Variants in DNAH8 observed in about 807,000 individuals in gnomAD.
DNAH8 encodes the protein dynein axonemal heavy chain 8, also known as axonemal beta dynein heavy chain 8.
A neutral mutation model predicts 562.1 loss-of-function variants in DNAH8; 382 were observed. The observed-to-expected ratio is 0.68, with a 90% CI of 0.63 to 0.74. The LOEUF (loss-of-function observed/expected upper bound fraction) is 0.74. Among genes scored for constraint, DNAH8 ranks in the 30% least tolerant of loss-of-function variants. DNAH8 has a pLI of 0.00. For missense variants in DNAH8, 5,203 were observed against 5,620.4 expected (o/e 0.93, Z 2.37); for synonymous variants, 1,881 against 1,919.4 (o/e 0.98, Z 0.52).
intron 4 of DNAH8, among the ~76,000 whole-genome samples, chr6:38,730,269 A>G (rs1481353544): frequency 6.6e-6 from 1 of 152,202 alleles, no homozygotes; most frequent in Admixed American, 6.5e-5. Flanking sequence ...TCCCCGAAAC[A>G]GGTGGAGCCA....
intron 63 of DNAH8, among the ~76,000 whole-genome samples, chr6:38,906,982 G>T (rs571653008): frequency 6.6e-6 from 1 of 152,198 alleles, no homozygotes; most frequent in African/African-American, 2.4e-5. Flanking sequence ...TTGATTTGGG[G>T]GTGCTCAACC....
At chr6:38,785,152 A>AAC (rs1769024333) in intron 17 of DNAH8, among the ~76,000 whole-genome samples, 1 of 152,194 alleles carries the variant, frequency 6.6e-6, no homozygotes, top group South Asian at 2.1e-4. Flanking sequence ...TCACAAGTAA[A>AAC]ACAAACAGTC....
At position 38,863,875 on chromosome 6, in the gene DNAH8, C is replaced by T. The variant is rs780860610; in HGVS notation, c.6313C>T (p.Leu2105Phe). ...FRGLGRIFKG[L>F]AQSGSWGCFD... is the part of the protein sequence containing the mutation. ...AAATTAACTGTTTTTCATGCCAGGT[C>T]TTGCACAGTCGGGTTCCTGGGGCTG... is the stretch of plus-strand genomic sequence containing the variant. Residue 2105 changes from leucine to phenylalanine, a missense_variant and splice_region_variant, in exon 45 of 93, where the codon CTT (leucine) becomes TTT (phenylalanine). By Grantham distance (22) the Leu-to-Phe change is conservative. Coordinates refer to ENST00000327475, the MANE Select transcript of DNAH8 (RefSeq NM_001206927.2). 1.8e-5 allele frequency: 28 copies of T among 1,586,788 alleles called. 1 individual carries two copies. The South Asian group carries it at 3.1e-4, about 17-fold the overall frequency.
chr6:38,759,157 A>T (rs1766234828), intron 10 of DNAH8, among the ~76,000 whole-genome samples: 1 of 152,058 alleles, frequency 6.6e-6, no homozygotes, highest in Non-Finnish European at 1.5e-5. Flanking sequence ...AATTTTTTTA[A>T]GTTAGCTGGG....
chr6:38,803,063 A>G, intron 21 of DNAH8, 116 bp from the exon 22 acceptor site: 2 of 719,444 alleles, frequency 2.8e-6, no homozygotes, highest in Non-Finnish European at 4.3e-6. Flanking sequence ...AGCTATCTCT[A>G]GCTTTTTTTT....
At chr6:38,926,312 A>C in intron 74 of DNAH8, 102 bp downstream of exon 74, 3 of 1,273,186 alleles carry the variant, frequency 2.4e-6, no homozygotes, top group Non-Finnish European at 3.3e-6. Context: ...TCCATGACAA[A>C]TGTTTGCTAA....
intron 48 of DNAH8, among the ~76,000 whole-genome samples, chr6:38,869,809 G>A (rs1777327987): frequency 1.3e-5 from 2 of 152,200 alleles, no homozygotes; most frequent in Non-Finnish European, 2.9e-5. Context: ...TAATGAGGTC[G>A]TACTTTGGAG....
chr6:38,715,650 C>T (rs1047399709), intron 1 of DNAH8, among the ~76,000 whole-genome samples: 1 of 152,014 alleles, frequency 6.6e-6, no homozygotes, highest in African/African-American at 2.4e-5. Context: ...ACCCACTCCC[C>T]GTTTTGAGAC....
chr6:38,971,348 C>G (rs979602281), intron 82 of DNAH8, among the ~76,000 whole-genome samples: 1 of 152,122 alleles, frequency 6.6e-6, no homozygotes, highest in Non-Finnish European at 1.5e-5. Context: ...GCCCACCATA[C>G]GTGCCTTTTT....
rs879105507 is a variant in DNAH8, at chr6:38,909,645, A to G, written c.9641A>G (p.Tyr3214Cys). ...IAVASYFLSD[Y>C]NIVCSSEIKR... ...GTGGCCTCCTACTTCCTTTCAGACT[A>G]TAATATTGTCTGCTCTAGTGAAATT... Residue 3214 changes from tyrosine to cysteine, a missense_variant, in exon 65 of 93, where the codon TAT becomes TGT. Physicochemically the swap from Tyr to Cys is radical, Grantham distance 194 (BLOSUM62 -2). Around this residue, in one of 6 missense-constraint regions of DNAH8, gnomAD observed 977 missense variants for 1,061.8 expected, o/e 0.92. Transcript: ENST00000327475. The G allele has an allele frequency of 3.7e-6, 6 of 1,614,114 alleles. No individual in the cohort carries two copies. The highest frequency in any genetic ancestry group is 3.3e-5 in the South Asian group (3 of 91,088).
chr6:38,806,855 T>C (rs570994420), intron 23 of DNAH8, among the ~76,000 whole-genome samples: 1 of 152,322 alleles, frequency 6.6e-6, no homozygotes, highest in African/African-American at 2.4e-5. Context: ...TCACTAGCCC[T>C]GACTGTACCC....
At position 38,737,194 on chromosome 6, in the gene DNAH8, A is replaced by T. The variant is rs768764670; in HGVS notation, c.890A>T (p.Gln297Leu). 12 of 1,535,754 alleles carry T rather than the reference A, an allele frequency of 7.8e-6. No individual in the cohort carries two copies. In the Admixed American group the frequency reaches 1.5e-4, roughly 19 times the overall value. The change falls in exon 6 of 93, where the codon CAG (glutamine) becomes CTG (leucine). Residue 297 changes from glutamine to leucine, a missense_variant. Transcript: ENST00000327475. ...NNWGALNQSK[Q>L]GESEKHIFTE... ...TGGGGTGCTTTAAACCAGTCCAAGC[A>T]GGGAGAATCTGAAAAACATATTTTC... is the stretch of plus-strand genomic sequence containing the variant.
In DNAH8 at chr6:38,938,041, A is replaced by T; in HGVS notation, c.11631A>T (p.Val3877=). ...CTACCAAGCAGACAGCAGCTGAGGT[A>T]AGTGAAAAGTTGCATGTGGCTGCAG... ...LRTTKQTAAE[V]SEKLHVAAET... is the part of the protein sequence containing the mutation. Residue 3877 remains valine (V), a synonymous_variant, in exon 78 of 93, where the codon GTA becomes GTT. Transcript: ENST00000327475. 2 of 1,614,072 alleles carry T rather than the reference A, an allele frequency of 1.2e-6. No individual in the cohort carries two copies. The highest frequency in any genetic ancestry group is 1.7e-6 in the Non-Finnish European group (2 of 1,180,012).
chr6:38,866,797 G>C lies in DNAH8; in HGVS notation c.6614G>C (p.Cys2205Ser). ...QIIMRVKLAS[C>S]GFLENVILAQ... ...ATTATGAGAGTTAAACTTGCAAGCT[G>C]TGGTTTTCTTGAAAATGTTATCTTG... Residue 2205 changes from cysteine to serine, a missense_variant, in exon 47 of 93, where the codon TGT becomes TCT. Coordinates refer to ENST00000327475, the MANE Select transcript of DNAH8 (RefSeq NM_001206927.2). The C allele has an allele frequency of 1.9e-6, 3 of 1,613,194 alleles. No individual in the cohort carries two copies. The highest frequency in any genetic ancestry group is 1.7e-6 in the Non-Finnish European group (2 of 1,179,580).
At chr6:38,966,043 A>G (rs1282979534) in intron 82 of DNAH8, among the ~76,000 whole-genome samples, 3 of 152,212 alleles carry the variant, frequency 2.0e-5, no homozygotes, top group African/African-American at 7.2e-5. Context: ...TAGAAAAACA[A>G]CAAAGAATCA....
At chr6:38,898,860 A>G (rs1364304125) in intron 61 of DNAH8, among the ~76,000 whole-genome samples, 1 of 152,168 alleles carries the variant, frequency 6.6e-6, no homozygotes, top group African/African-American at 2.4e-5. Flanking sequence ...AGGTAACACG[A>G]AAAAGGGGTG....
chr6:38,949,310 G>A, intron 80 of DNAH8, 142 bp from the exon 81 acceptor site: 2 of 652,104 alleles, frequency 3.1e-6, no homozygotes, highest in South Asian at 1.9e-5. Context: ...CATTGATCCT[G>A]AAGAAAGGTT....
At chr6:38,798,899 A>G (rs144101298) in intron 21 of DNAH8, among the ~76,000 whole-genome samples, 1 of 152,306 alleles carries the variant, frequency 6.6e-6, no homozygotes, top group East Asian at 1.9e-4. Flanking sequence ...TTGTGCTTTC[A>G]GAGCCCAGTA....
At chr6:38,731,424 C>G (rs1008916728) in intron 4 of DNAH8, among the ~76,000 whole-genome samples, 1 of 151,802 alleles carries the variant, frequency 6.6e-6, no homozygotes, top group Non-Finnish European at 1.5e-5. Context: ...ATACATTTAT[C>G]CAATCAAAAT....
Sources: gnomAD v4.1 joint callset for allele counts (sites outside exome capture counted in the v4.1 genomes callset) on GRCh38, gnomAD v4.1.1 for gene constraint, gnomAD v4.1.1 regional missense constraint, MANE v1.5 for transcripts, NCBI Gene and HGNC (gene_info 2026-07-23, HGNC 2026-07-21) for gene names.